The following COL4A6 variants were observed in gnomAD, a reference collection of about 807,000 sequenced individuals.
The protein encoded by COL4A6 is collagen alpha-6(IV) chain.
COL4A6 carries 59 observed loss-of-function variants against 126.7 expected under a neutral mutation model. That is an observed-to-expected ratio of 0.47 (90% CI 0.38 to 0.58). The LOEUF (loss-of-function observed/expected upper bound fraction) is 0.58. Ranked by LOEUF, COL4A6 falls within the 20% of genes least tolerant of loss-of-function variation. The pLI, the probability that COL4A6 is intolerant of heterozygous loss-of-function variation, is 0.00. For synonymous variants in COL4A6, 547 were observed against 496.6 expected (o/e 1.10, Z -1.35); for missense variants, 1,285 against 1,337.3 (o/e 0.96, Z 0.61).
At chrX:108,165,544 G>A in intron 37 of COL4A6, 58 bp from the exon 38 acceptor site, 1 of 847,517 alleles carries the variant, frequency 1.2e-6, no homozygotes, top group South Asian at 2.8e-5. Context: ...AGATGGCCAG[G>A]CTCTTTCAGA....
intron 3 of COL4A6, among the ~76,000 whole-genome samples, chrX:108,275,386 T>A (rs1436841224): frequency 1.8e-5 from 2 of 112,150 alleles, no homozygotes; most frequent in Non-Finnish European, 3.8e-5. Context: ...GGCCCATATT[T>A]ATCCTGTGTT....
At chrX:108,188,811 G>T in intron 20 of COL4A6, 134 bp from the exon 21 acceptor site, 4 of 642,021 alleles carry the variant, frequency 6.2e-6, no homozygotes, top group Non-Finnish European at 8.8e-6. Context: ...ACACTCAAAT[G>T]AACTTGGTTC....
chrX:108,187,168 C>T lies in COL4A6; in HGVS notation c.1879G>A (p.Gly627Arg), dbSNP rs1157582065. The change falls in exon 23 of 45, where the codon GGA becomes AGA. Residue 627 changes from glycine (G) to arginine (R), a missense_variant. Coordinates refer to ENST00000334504, the MANE Select transcript of COL4A6 (RefSeq NM_033641.4). ...TTATCTCCAGGAAGCCCACGGGGTC[C>T]AGGAAGTCCTGGTAACCCATTTCCT... ...LPGNGLPGLP[G>R]PRGLPGDKGK... The T allele has an allele frequency of 2.5e-6, 3 of 1,196,309 alleles. No individual in the cohort carries two copies. Among genetic ancestry groups the T allele is most frequent in the Non-Finnish European group, 3.4e-6 (3 of 886,757 alleles).
At chrX:108,370,065 G>A (rs1213080160) in intron 2 of COL4A6, among the ~76,000 whole-genome samples, 1 of 112,081 alleles carries the variant, frequency 8.9e-6, no homozygotes, top group Non-Finnish European at 1.9e-5. Context: ...ATGAAAGTGG[G>A]AACTTCCAAC....
At chrX:108,194,201 T>C (rs1488600761) in intron 16 of COL4A6, among the ~76,000 whole-genome samples, 1 of 111,833 alleles carries the variant, frequency 8.9e-6, no homozygotes, top group African/African-American at 3.3e-5. Context: ...GCTCCAGGTG[T>C]AGGCAAAAAG....
chrX:108,390,609 T>A (rs2040814501), intron 2 of COL4A6, among the ~76,000 whole-genome samples: 1 of 109,700 alleles, frequency 9.1e-6, no homozygotes, highest in Non-Finnish European at 1.9e-5. Context: ...CTAAACTGGT[T>A]ATTCTAGTTA....
chrX:108,411,412 A>G (rs1569459913), intron 2 of COL4A6, among the ~76,000 whole-genome samples: 3 of 111,693 alleles, frequency 2.7e-5, no homozygotes, highest in Non-Finnish European at 5.6e-5. Context: ...AAATAAGATG[A>G]TTTTCAAGGT....
chrX:108,434,759 T>G (rs780889707), intron 2 of COL4A6, among the ~76,000 whole-genome samples: 3 of 106,508 alleles, frequency 2.8e-5, no homozygotes, highest in African/African-American at 1.0e-4. Flanking sequence ...TCCTTAGTCA[T>G]CCCAAGATAT....
At chrX:108,429,965 A>G (rs1246997887) in intron 2 of COL4A6, among the ~76,000 whole-genome samples, 2 of 111,856 alleles carry the variant, frequency 1.8e-5, no homozygotes, top group African/African-American at 6.5e-5. Flanking sequence ...TTGATCACCT[A>G]TGCTCAGCCT....
chrX:108,379,332 C>T (rs894932577), intron 2 of COL4A6, among the ~76,000 whole-genome samples: 5 of 110,100 alleles, frequency 4.5e-5, no homozygotes, highest in African/African-American at 1.7e-4. Flanking sequence ...TCACTGCAGC[C>T]GCAACCTCCT....
At chrX:108,321,884 C>G (rs772975174) in intron 2 of COL4A6, among the ~76,000 whole-genome samples, 1 of 110,476 alleles carries the variant, frequency 9.1e-6, no homozygotes, top group Non-Finnish European at 1.9e-5. Context: ...ACTGTTCCAC[C>G]TCCACCATGA....
chrX:108,203,194 T>C (rs1448096557), intron 12 of COL4A6, among the ~76,000 whole-genome samples: 2 of 111,647 alleles, frequency 1.8e-5, no homozygotes, highest in Non-Finnish European at 3.8e-5. Context: ...GGAGAAGGAT[T>C]ATGGACCATA....
chrX:108,207,024 G>GAGGTTTGGATT (rs2035564446), intron 8 of COL4A6, among the ~76,000 whole-genome samples: 1 of 111,656 alleles, frequency 9.0e-6, no homozygotes, highest in Non-Finnish European at 1.9e-5. Context: ...TACCTGAATA[G>GAGGTTTGGATT]AGGTTTGGAT....
chrX:108,199,573 G>A (rs1383730760), intron 13 of COL4A6, among the ~76,000 whole-genome samples: 2 of 111,586 alleles, frequency 1.8e-5, no homozygotes, highest in Non-Finnish European at 3.8e-5. Flanking sequence ...ACAATCAACT[G>A]GGGTTTCTAT....
At chrX:108,404,446 G>A (rs186007394) in intron 2 of COL4A6, among the ~76,000 whole-genome samples, 6 of 111,366 alleles carry the variant, frequency 5.4e-5, no homozygotes, top group African/African-American at 1.3e-4. Context: ...CTATATCCTC[G>A]GTTTTAAAAG....
In COL4A6 at chrX:108,159,936, GATA is replaced by G. The variant is rs1159202544; in HGVS notation, c.4526-191_4526-189del. On this transcript the variant is annotated intron_variant, in intron 43 of 44. Transcript: ENST00000334504. ...TATTTTAAATGCACCAGGGAAATTTGATAATAACAAGAATCTTTTTATAAGCTG... is the reference window on the plus strand; with the variant it reads ...TATTTTAAATGCACCAGGGAAATTTGATAACAAGAATCTTTTTATAAGCTG... The G allele has an allele frequency of 3.1e-5, 16 of 517,332 alleles. No homozygotes were observed. The East Asian group carries it at 5.1e-4, about 17-fold the overall frequency. The allele number at this position is 517,332 out of a possible 1,213,427, so 42.6% of individuals were successfully genotyped here.
intron 2 of COL4A6, among the ~76,000 whole-genome samples, chrX:108,388,528 G>A (rs757802901): frequency 1.3e-4 from 15 of 111,381 alleles, no homozygotes; most frequent in South Asian, 7.5e-4. Flanking sequence ...ATTCTCTGAC[G>A]GTACTTTGCA....
intron 2 of COL4A6, among the ~76,000 whole-genome samples, chrX:108,424,620 G>C (rs948415170): frequency 1.8e-5 from 2 of 111,513 alleles, no homozygotes; most frequent in African/African-American, 3.3e-5. Context: ...TTTAATGACT[G>C]ATTACCATAT....
chrX:108,402,538 T>A (rs780459933), intron 2 of COL4A6, among the ~76,000 whole-genome samples: 56 of 111,017 alleles, frequency 5.0e-4, no homozygotes, highest in Non-Finnish European at 9.7e-4. Flanking sequence ...TTTGTTCTGT[T>A]TTTCTTTTTC....
Sources: gnomAD v4.1 joint callset for allele counts (sites outside exome capture counted in the v4.1 genomes callset) on GRCh38, gnomAD v4.1.1 for gene constraint, MANE v1.5 for transcripts, NCBI Gene and HGNC (gene_info 2026-07-23, HGNC 2026-07-21) for gene names.